C9: variants seen among roughly 807,000 people sequenced by gnomAD.
The protein encoded by C9 is complement component C9.
In C9, 63 loss-of-function variants were observed where a neutral mutation model predicts 65.4. The ratio of observed to expected loss-of-function variants is 0.96; its 90% CI spans 0.79 to 1.19. C9 has a LOEUF of 1.19. C9 is among the 50% of genes most tolerant of loss of function. The pLI, the probability that C9 is intolerant of heterozygous loss-of-function variation, is 0.00. For missense variants in C9, 744 were observed against 670.1 expected (o/e 1.11, Z -1.22); for synonymous variants, 229 against 227.9 (o/e 1.00, Z -0.04).
intron 1 of C9, among the ~76,000 whole-genome samples, chr5:39,363,572 G>A (rs1448470699): frequency 1.3e-5 from 2 of 152,170 alleles, no homozygotes; most frequent in African/African-American, 4.8e-5. Flanking sequence ...GTTGAAGTGA[G>A]GAATATTTCA....
At chr5:39,288,441 T>C (rs1166924600) in intron 10 of C9, among the ~76,000 whole-genome samples, 1 of 151,784 alleles carries the variant, frequency 6.6e-6, no homozygotes, top group Non-Finnish European at 1.5e-5. Context: ...CTGATGTTTG[T>C]TGTATTTCTG....
chr5:39,292,733 A>C (rs1289795024), intron 9 of C9, among the ~76,000 whole-genome samples: 1 of 151,686 alleles, frequency 6.6e-6, no homozygotes, highest in Non-Finnish European at 1.5e-5. Context: ...ATATGATAAA[A>C]ATAGCATTAA....
At chr5:39,359,102 G>GTGTGTGTATGTATA (rs1407613505) in intron 1 of C9, among the ~76,000 whole-genome samples, 1 of 103,664 alleles carries the variant, frequency 9.6e-6, no homozygotes, top group South Asian at 3.1e-4. Context: ...GTGTGTGTGT[G>GTGTGTGTATGTATA]TATATATATA....
At chr5:39,333,418 G>C (rs1269298857) in intron 4 of C9, among the ~76,000 whole-genome samples, 2 of 152,150 alleles carry the variant, frequency 1.3e-5, no homozygotes, top group East Asian at 3.9e-4. Context: ...GCCTTGAAAA[G>C]GGCTTCTAAT....
At chr5:39,354,985 A>G (rs1312482672) in intron 1 of C9, among the ~76,000 whole-genome samples, 1 of 152,184 alleles carries the variant, frequency 6.6e-6, no homozygotes, top group African/African-American at 2.4e-5. Context: ...AATCTTTTTA[A>G]TGTCTGATTT....
At chr5:39,324,154 A>G (rs1753709111) in intron 5 of C9, among the ~76,000 whole-genome samples, 1 of 152,236 alleles carries the variant, frequency 6.6e-6, no homozygotes, top group African/African-American at 2.4e-5. Flanking sequence ...CATTGATGAA[A>G]GAAATGGAAA....
In C9 at chr5:39,341,767, A is replaced by C. The variant is rs1400479936; in HGVS notation, c.184-67T>G. 1.5e-5 allele frequency: 21 copies of C among 1,423,306 alleles called. No homozygotes were observed. The East Asian group carries it at 3.6e-4, about 25-fold the overall frequency. 88.2% of individuals were successfully genotyped at this position (1,423,306 alleles called of 1,614,324 possible). A position where few individuals can be genotyped will look rare whatever the true frequency, so the allele number is the denominator to read the frequency against. ...AAAAAAGGGTATGGTCTAAAGGTGC[A>C]TCCATACAACTATATCCCTGCAATG... On this transcript the variant is annotated intron_variant, in intron 2 of 10. Coordinates refer to ENST00000263408, the MANE Select transcript of C9 (RefSeq NM_001737.5).
chr5:39,319,736 C>T (rs1579855919), intron 5 of C9, among the ~76,000 whole-genome samples: 1 of 152,200 alleles, frequency 6.6e-6, no homozygotes, highest in Admixed American at 6.5e-5. Flanking sequence ...CCCCAGGCTC[C>T]AGGCCAGCCT....
intron 5 of C9, among the ~76,000 whole-genome samples, chr5:39,317,859 G>GT (rs1167312556): frequency 0.013 from 1,904 of 146,858 alleles, 32 homozygotes; most frequent in African/African-American, 0.04. Flanking sequence ...TTTTAAAATG[G>GT]TTTTTTTTTT....
chr5:39,337,720 G>C (rs569301249), intron 4 of C9, among the ~76,000 whole-genome samples: 41 of 152,216 alleles, frequency 2.7e-4, no homozygotes, highest in Non-Finnish European at 1.5e-4. Context: ...TGCAAGATGG[G>C]TTGGGGGATT....
At chr5:39,353,967 G>A (rs265721) in intron 1 of C9, among the ~76,000 whole-genome samples, 11,679 of 152,164 alleles carry the variant, frequency 0.077, 870 homozygotes, top group African/African-American at 0.19. Flanking sequence ...GATCTCCTGG[G>A]GAATCATCCA....
chr5:39,289,549 T>C (rs1561330568), intron 9 of C9, among the ~76,000 whole-genome samples: 1 of 151,684 alleles, frequency 6.6e-6, no homozygotes. Flanking sequence ...AGAAAGGGGA[T>C]AGAAGTTAGT....
chr5:39,314,559 A>G (rs184753782), intron 6 of C9, among the ~76,000 whole-genome samples: 183 of 152,282 alleles, frequency 1.2e-3, no homozygotes, highest in African/African-American at 4.2e-3. Flanking sequence ...TAAGTTCTTC[A>G]TGATCTGATT....
At chr5:39,333,660 G>A (rs111996133) in intron 4 of C9, among the ~76,000 whole-genome samples, 19 of 92,052 alleles carry the variant, frequency 2.1e-4, no homozygotes, top group East Asian at 7.0e-4. Flanking sequence ...CTCTCATGCC[G>A]AGCGGCAGCT....
rs937357005 is a variant in C9 at position 39,335,186 on chromosome 5, T to C, written c.477-3372A>G. ...GCTACTTTAACAGAGACATTGTACCTCTTTATTTTCAGTGAACAATGAAAT... is the reference window on the plus strand; with the variant it reads ...GCTACTTTAACAGAGACATTGTACCCCTTTATTTTCAGTGAACAATGAAAT... On this transcript the variant is annotated intron_variant, in intron 4 of 10. Coordinates refer to ENST00000263408, the MANE Select transcript of C9 (RefSeq NM_001737.5). Among the ~76,000 whole-genome samples the C allele has an allele frequency of 2.0e-5, 3 of 152,194 alleles. No homozygotes were observed. The East Asian group carries it at 5.8e-4, about 29-fold the overall frequency.
chr5:39,343,598 G>A (rs1321522571), intron 1 of C9, among the ~76,000 whole-genome samples: 2 of 152,236 alleles, frequency 1.3e-5, no homozygotes, highest in Non-Finnish European at 2.9e-5. Flanking sequence ...ACCTCTGGGG[G>A]TAGGGCATAG....
intron 9 of C9, among the ~76,000 whole-genome samples, chr5:39,299,286 T>C (rs1308020323): frequency 6.6e-6 from 1 of 152,050 alleles, no homozygotes; most frequent in South Asian, 2.1e-4. Context: ...TGTAATTTTG[T>C]ATAAACACAC....
rs1753893115 is a variant in C9 at position 39,333,741 on chromosome 5, G to A, written c.477-1927C>T. ...ATTCTCCTGCCTCAGCCTGCCGAGT[G>A]CCTGCGATTGCAGGCGCGCACCGCC... On this transcript the variant is annotated intron_variant, in intron 4 of 10. Coordinates refer to ENST00000263408, the MANE Select transcript of C9 (RefSeq NM_001737.5). Among the ~76,000 whole-genome samples the A allele has an allele frequency of 2.0e-5, 3 of 152,056 alleles. No individual in the cohort carries two copies. The South Asian group carries it at 6.2e-4, about 32-fold the overall frequency.
Position 39,308,231 on chromosome 5 carries a change from A to C in C9, c.1239T>G (p.Ala413=). The C allele has an allele frequency of 7.4e-6, 12 of 1,613,188 alleles. No homozygotes were observed. Among genetic ancestry groups the C allele is most frequent in the Non-Finnish European group, 1.0e-5 (12 of 1,179,240 alleles). ...DDCVKRGEGR[A]VNITSENLID... ...TCTAACAAGTGAGGCCACACTTACC[A>C]GCTCTACCCTCTCCCCTCTTTACAC... Residue 413 remains alanine (A), a splice_region_variant and synonymous_variant, in exon 8 of 11, where the codon GCT becomes GCG. Coordinates refer to ENST00000263408, the MANE Select transcript of C9 (RefSeq NM_001737.5).
Sources: gnomAD v4.1 joint callset for allele counts (sites outside exome capture counted in the v4.1 genomes callset) on GRCh38, gnomAD v4.1.1 for gene constraint, MANE v1.5 for transcripts, NCBI Gene and HGNC (gene_info 2026-07-23, HGNC 2026-07-21) for gene names.